The following CYTL1 variants were observed in gnomAD, a reference collection of about 807,000 sequenced individuals.
CYTL1 encodes cytokine-like protein 1.
A neutral mutation model predicts 13.1 loss-of-function variants in CYTL1; 17 were observed. The observed-to-expected ratio is 1.29, with a 90% CI of 0.89 to 1.94. The LOEUF is 1.94. Ranked by LOEUF, CYTL1 falls within the 30% of genes most tolerant of loss-of-function variation. The pLI, the probability that CYTL1 is intolerant of heterozygous loss-of-function variation, is 0.00. For synonymous variants in CYTL1, 91 were observed against 79.4 expected (o/e 1.15, Z -0.78); for missense variants, 213 against 174.8 (o/e 1.22, Z -1.23).
chr4:5,017,564 C>A (rs1577596006), intron 1 of CYTL1, among the ~76,000 whole-genome samples: 1 of 151,000 alleles, frequency 6.6e-6, no homozygotes, highest in Non-Finnish European at 1.5e-5. Context: ...TAAAACAGTT[C>A]TATAACTATT....
chr4:5,017,473 C>A (rs1240721065), intron 1 of CYTL1, among the ~76,000 whole-genome samples: 1 of 152,080 alleles, frequency 6.6e-6, no homozygotes, highest in Non-Finnish European at 1.5e-5. Context: ...TACATAAAAG[C>A]AGTCCTATAA....
chr4:5,016,843 C>A lies in CYTL1; in HGVS notation c.320G>T (p.Cys107Phe), dbSNP rs772122106. The A allele has an allele frequency of 8.1e-6, 13 of 1,614,072 alleles. No homozygotes were observed. Among genetic ancestry groups the A allele is most frequent in the Non-Finnish European group, 1.1e-5 (13 of 1,180,038 alleles). The change falls in exon 3 of 4, where the codon TGC becomes TTC. Residue 107 changes from cysteine to phenylalanine, a missense_variant. By Grantham distance (205) the Cys-to-Phe change is radical. Coordinates refer to ENST00000307746, the MANE Select transcript of CYTL1 (RefSeq NM_018659.3). ...RKLYTIMNSF[C>F]RRDLVFLLDD... ...TCAATGGCATCCACTTACTCTCCTG[C>A]AGAACGAGTTCATGATGGTGTACAG...
At chr4:5,016,286 CT>C (rs1202083205) in intron 3 of CYTL1, among the ~76,000 whole-genome samples, 2 of 152,120 alleles carry the variant, frequency 1.3e-5, no homozygotes, top group Non-Finnish European at 2.9e-5. Flanking sequence ...AAACAAACAT[CT>C]TTTTTTAAAA....
intron 1 of CYTL1, among the ~76,000 whole-genome samples, 175 bp downstream of exon 1, chr4:5,019,118 A>G (rs1741141415): frequency 6.7e-6 from 1 of 149,342 alleles, no homozygotes; most frequent in Admixed American, 6.7e-5. Flanking sequence ...AAAGCAAACC[A>G]TTGGTATCAT....
chr4:5,019,126 C>A (rs1403347497), intron 1 of CYTL1, among the ~76,000 whole-genome samples, 167 bp downstream of exon 1: 2 of 147,732 alleles, frequency 1.4e-5, no homozygotes, highest in African/African-American at 5.0e-5. Context: ...CCATTGGTAT[C>A]ATATTTAAAA....
At chr4:5,016,694 G>A (rs1424904728) in intron 3 of CYTL1, 142 bp downstream of exon 3, 2 of 1,047,584 alleles carry the variant, frequency 1.9e-6, no homozygotes, top group Non-Finnish European at 2.8e-6. Flanking sequence ...GTTGAGAAAG[G>A]GCTTTGTGAA....
At chr4:5,015,323 G>T (rs1188764746) in intron 3 of CYTL1, 89 bp from the exon 4 acceptor site, 2 of 989,194 alleles carry the variant, frequency 2.0e-6, no homozygotes, top group Non-Finnish European at 3.1e-6. Flanking sequence ...ATCCTCAAAG[G>T]CCATTCAGTT....
chr4:5,014,969 CT>C lies in CYTL1; in HGVS notation c.*181del. 1 of 626,536 alleles carries C rather than the reference CT, an allele frequency of 1.6e-6. No homozygotes were observed. The highest frequency in any genetic ancestry group is 2.8e-5 in the Admixed American group (1 of 35,790). The allele number at this position is 626,536 out of a possible 1,614,324, so 38.8% of individuals were successfully genotyped here. A position where few individuals can be genotyped will look rare whatever the true frequency, so the allele number is the denominator to read the frequency against. Reference sequence around the variant, plus strand: ...GGAATGAGAAGCATGGTTGCTAACTCTATGCTCAAAGGAGGTTCCTGGGTAG... The same window carrying C: ...GGAATGAGAAGCATGGTTGCTAACTCATGCTCAAAGGAGGTTCCTGGGTAG... On this transcript the variant is annotated 3_prime_UTR_variant, in exon 4 of 4. Transcript: ENST00000307746.
Position 5,016,859 on chromosome 4 carries a change from T to A in CYTL1, c.304A>T (p.Ile102Phe). 1 of 1,614,206 alleles carries A rather than the reference T, an allele frequency of 6.2e-7. No homozygotes were observed. The highest frequency in any genetic ancestry group is 1.1e-5 in the South Asian group (1 of 91,088). Residue 102 changes from isoleucine (I) to phenylalanine (F), a missense_variant, in exon 3 of 4, where the codon ATC becomes TTC. Ile to Phe is a conservative substitution (Grantham distance 21). Coordinates refer to ENST00000307746, the MANE Select transcript of CYTL1 (RefSeq NM_018659.3). ...ACTCTCCTGCAGAACGAGTTCATGATGGTGTACAGCTTCCGTGCTTTGTCC... is the reference window on the plus strand; with the variant it reads ...ACTCTCCTGCAGAACGAGTTCATGAAGGTGTACAGCTTCCGTGCTTTGTCC... ...LKDKARKLYT[I>F]MNSFCRRDLV...
chr4:5,017,177 C>T lies in CYTL1; in HGVS notation c.156G>A (p.Glu52=). The T allele has an allele frequency of 1.2e-6, 2 of 1,613,944 alleles. No individual in the cohort carries two copies. The highest frequency in any genetic ancestry group is 1.7e-6 in the Non-Finnish European group (2 of 1,179,880). Reference sequence around the variant, plus strand: ...GCCTGGGCAGGTATCTCACACATGGCTCCTGTGGAAAGGGATAAGGGGTTC... The same window carrying T: ...GCCTGGGCAGGTATCTCACACATGGTTCCTGTGGAAAGGGATAAGGGGTTC... The part of the protein sequence containing the change: ...FNLLQVSEPS[E]PCVRYLPRLY... Residue 52 remains glutamate (E), a splice_region_variant and synonymous_variant, in exon 2 of 4, where the codon GAG becomes GAA. Coordinates refer to ENST00000307746, the MANE Select transcript of CYTL1 (RefSeq NM_018659.3).
Position 5,019,436 on chromosome 4 carries a change from G to C in CYTL1, c.10C>G (p.Pro4Ala), listed in dbSNP as rs1314318034. The C allele has an allele frequency of 6.8e-7, 1 of 1,472,912 alleles. No individual in the cohort carries two copies. Among genetic ancestry groups the C allele is most frequent in the Non-Finnish European group, 8.9e-7 (1 of 1,119,742 alleles). The allele number at this position is 1,472,912 out of a possible 1,614,324, so 91.2% of individuals were successfully genotyped here. A position where few individuals can be genotyped will look rare whatever the true frequency, so the allele number is the denominator to read the frequency against. The change falls in exon 1 of 4, where the codon CCT (proline) becomes GCT (alanine). Residue 4 changes from proline to alanine, a missense_variant. By Grantham distance (27) the Pro-to-Ala change is conservative. Transcript: ENST00000307746. ...AGCAGCAGCACGGGCAGAGGCCCAGGCGTCCTCATGGTGCCAGGCGCTGGT... is the reference window on the plus strand; with the variant it reads ...AGCAGCAGCACGGGCAGAGGCCCAGCCGTCCTCATGGTGCCAGGCGCTGGT... Reference protein sequence around the residue: MRTPGPLPVLLLLL... With the variant: MRTAGPLPVLLLLL...
At chr4:5,015,817 T>C (rs956281507) in intron 3 of CYTL1, among the ~76,000 whole-genome samples, 4 of 152,214 alleles carry the variant, frequency 2.6e-5, no homozygotes, top group Non-Finnish European at 5.9e-5. Context: ...TTAGTCACTC[T>C]ACTAGGCTTC....
intron 1 of CYTL1, 141 bp from the exon 2 acceptor site, chr4:5,017,320 T>C (rs1305025671): frequency 1.0e-5 from 7 of 687,500 alleles, no homozygotes; most frequent in Admixed American, 6.4e-5. Flanking sequence ...CAGTACTTTC[T>C]TGTGTCATAC....
chr4:5,018,269 A>T (rs965958734), intron 1 of CYTL1, among the ~76,000 whole-genome samples: 11 of 152,158 alleles, frequency 7.2e-5, no homozygotes, highest in Admixed American at 5.9e-4. Flanking sequence ...CTGAAATATG[A>T]TCCTCCACAA....
chr4:5,014,990 G>A lies in CYTL1; in HGVS notation c.*161C>T. 2 of 677,920 alleles carry A rather than the reference G, an allele frequency of 3.0e-6. No individual in the cohort carries two copies. Among genetic ancestry groups the A allele is most frequent in the South Asian group, 3.3e-5 (2 of 60,956 alleles). The allele number at this position is 677,920 out of a possible 1,614,324, so 42.0% of individuals were successfully genotyped here. On this transcript the variant is annotated 3_prime_UTR_variant, in exon 4 of 4. Transcript: ENST00000307746. Reference sequence around the variant, plus strand: ...AACTCTATGCTCAAAGGAGGTTCCTGGGTAGGAATACCAGCCCTGTTTTCC... The same window carrying A: ...AACTCTATGCTCAAAGGAGGTTCCTAGGTAGGAATACCAGCCCTGTTTTCC...
chr4:5,017,111 C>T (rs369934138), intron 2 of CYTL1, 24 bp downstream of exon 2: 45 of 1,612,406 alleles, frequency 2.8e-5, no homozygotes, highest in Admixed American at 6.7e-5. Flanking sequence ...CAAGACCTCC[C>T]TCCCCCAGGG....
chr4:5,017,821 C>G (rs951169378), intron 1 of CYTL1, among the ~76,000 whole-genome samples: 1 of 152,036 alleles, frequency 6.6e-6, no homozygotes, highest in Non-Finnish European at 1.5e-5. Context: ...AATTTGCATA[C>G]TTTTATATTT....
rs753085206 is a variant in CYTL1 at position 5,019,380 on chromosome 4, G to T, written c.66C>A (p.Pro22=). ...LLLAGAPAAR[P]TPPTCYSRMR... ...TGCGGGAGTAGCAGGTCGGGGGAGT[G>T]GGCCGCGCGGCGGGGGCTCCCGCCA... The change falls in exon 1 of 4, where the codon CCC becomes CCA. Residue 22 remains proline (P), a synonymous_variant. Transcript: ENST00000307746. 1.1e-5 allele frequency: 17 copies of T among 1,506,478 alleles called. No individual in the cohort carries two copies. Among genetic ancestry groups the T allele is most frequent in the Non-Finnish European group, 1.5e-5 (17 of 1,135,764 alleles). 93.3% of individuals were successfully genotyped at this position (1,506,478 alleles called of 1,614,324 possible).
At position 5,016,878 on chromosome 4, in the gene CYTL1, T is replaced by G; in HGVS notation, c.285A>C (p.Lys95Asn). 1 of 1,614,234 alleles carries G rather than the reference T, an allele frequency of 6.2e-7. No homozygotes were observed. Among genetic ancestry groups the G allele is most frequent in the Non-Finnish European group, 8.5e-7 (1 of 1,180,046 alleles). Residue 95 changes from lysine (K) to asparagine (N), a missense_variant, in exon 3 of 4, where the codon AAA becomes AAC. Physicochemically the swap from Lys to Asn is moderately conservative, Grantham distance 94 (BLOSUM62 0). Coordinates refer to ENST00000307746, the MANE Select transcript of CYTL1 (RefSeq NM_018659.3). ...KVAQVDSLKD[K>N]ARKLYTIMNS... ...TCATGATGGTGTACAGCTTCCGTGC[T>G]TTGTCCTTCAAGGAATCTACCTGGG...
Sources: allele counts gnomAD v4.1 joint callset (sites outside exome capture counted in the v4.1 genomes callset), GRCh38; gene constraint gnomAD v4.1.1; transcripts MANE v1.5; gene names NCBI Gene and HGNC (gene_info 2026-07-23, HGNC 2026-07-21).